RELN: variants seen among roughly 807,000 people sequenced by gnomAD.
The protein encoded by RELN is reelin.
Under a neutral mutation model 427.6 loss-of-function variants are expected in RELN, and 108 were observed. That is an observed-to-expected ratio of 0.25 (90% CI 0.22 to 0.30). The LOEUF (loss-of-function observed/expected upper bound fraction) is 0.30, where lower values mean the gene tolerates loss of function less well. Ranked by LOEUF, RELN falls within the 10% of genes least tolerant of loss-of-function variation. The pLI is 1.00. For missense variants in RELN, 3,715 were observed against 4,302.8 expected (o/e 0.86, Z 3.82); for synonymous variants, 1,524 against 1,513.4 (o/e 1.01, Z -0.16).
chr7:103,540,665 T>A (rs1830158298), intron 43 of RELN, among the ~76,000 whole-genome samples: 1 of 152,088 alleles, frequency 6.6e-6, no homozygotes, highest in African/African-American at 2.4e-5. Flanking sequence ...AAAAAGGCAA[T>A]TCTGCACCCA....
At chr7:103,727,637 G>C (rs536188272) in intron 7 of RELN, among the ~76,000 whole-genome samples, 1 of 152,206 alleles carries the variant, frequency 6.6e-6, no homozygotes, top group South Asian at 2.1e-4. Flanking sequence ...TAAAAAACTG[G>C]TTTATTCAGC....
chr7:103,748,348 A>T (rs1029678652), intron 6 of RELN, among the ~76,000 whole-genome samples: 6 of 152,146 alleles, frequency 3.9e-5, no homozygotes, highest in African/African-American at 1.2e-4. Context: ...TAGAAAAGAA[A>T]TAAAAGTTTC....
intron 1 of RELN, among the ~76,000 whole-genome samples, chr7:103,939,082 C>T (rs561054952): frequency 1.2e-3 from 183 of 151,986 alleles, no homozygotes; most frequent in African/African-American, 4.2e-3. Context: ...AAGTAGCTTG[C>T]ATTACAGGCA....
chr7:103,736,403 G>A (rs1790493383), intron 6 of RELN, among the ~76,000 whole-genome samples: 1 of 152,100 alleles, frequency 6.6e-6, no homozygotes. Context: ...AAAGTTCATT[G>A]TATAAGACTG....
intron 1 of RELN, among the ~76,000 whole-genome samples, chr7:103,963,655 T>C (rs988452133): frequency 1.3e-5 from 2 of 152,222 alleles, no homozygotes; most frequent in Non-Finnish European, 2.9e-5. Context: ...TATATCTGCA[T>C]AGCAATGCAC....
At position 103,566,868 on chromosome 7, in the gene RELN, C is replaced by G. The variant is rs185798847; in HGVS notation, c.4589-109G>C. On this transcript the variant is annotated intron_variant, in intron 31 of 64. Coordinates refer to ENST00000428762, the MANE Select transcript of RELN (RefSeq NM_005045.4). ...CAACCTCAAATTGTGTCTCCTAGAA[C>G]GAGGGCACATTTGTGTAACTTCCAA... 37 of 1,043,598 alleles carry G rather than the reference C, an allele frequency of 3.5e-5. No homozygotes were observed. In the Admixed American group the frequency reaches 4.7e-4, roughly 13 times the overall value. 64.6% of individuals were successfully genotyped at this position (1,043,598 alleles called of 1,614,324 possible). A position where few individuals can be genotyped will look rare whatever the true frequency, so the allele number is the denominator to read the frequency against.
intron 2 of RELN, among the ~76,000 whole-genome samples, chr7:103,905,783 T>G (rs1414989063): frequency 2.0e-5 from 3 of 152,030 alleles, no homozygotes; most frequent in Non-Finnish European, 4.4e-5. Context: ...ACAAGCAAAT[T>G]TGGTAGCTTG....
chr7:103,504,274 A>G (rs369258593), intron 51 of RELN: 16 of 152,220 alleles, frequency 1.1e-4, no homozygotes, highest in African/African-American at 3.9e-4. Context: ...GGGTAAGAGG[A>G]AAAAAAGTAG....
intron 20 of RELN, among the ~76,000 whole-genome samples, chr7:103,615,999 C>G (rs1431394491): frequency 1.3e-5 from 2 of 152,128 alleles, no homozygotes; most frequent in African/African-American, 4.8e-5. Flanking sequence ...CCACAAAGTT[C>G]CTTAAAAGCA....
intron 10 of RELN, 45 bp from the exon 11 acceptor site, chr7:103,682,306 G>A (rs1424374531): frequency 6.2e-7 from 1 of 1,606,556 alleles, no homozygotes; most frequent in Non-Finnish European, 8.5e-7. Context: ...AATTGGTGTT[G>A]TAGCTGTATC....
chr7:103,901,008 A>C (rs1469516833), intron 2 of RELN, among the ~76,000 whole-genome samples: 1 of 152,078 alleles, frequency 6.6e-6, no homozygotes, highest in Non-Finnish European at 1.5e-5. Context: ...AATGCTTATC[A>C]TATGGTATTC....
At chr7:103,718,769 T>C (rs1179518037) in intron 8 of RELN, among the ~76,000 whole-genome samples, 1 of 152,206 alleles carries the variant, frequency 6.6e-6, no homozygotes, top group Non-Finnish European at 1.5e-5. Flanking sequence ...ATGGACAAGA[T>C]AGATTTGTCT....
intron 1 of RELN, among the ~76,000 whole-genome samples, chr7:103,957,331 T>A (rs749018413): frequency 4.1e-4 from 63 of 152,164 alleles, no homozygotes; most frequent in Non-Finnish European, 8.8e-4. Context: ...AATAATTAGC[T>A]CGGGGATGCA....
intron 4 of RELN, among the ~76,000 whole-genome samples, chr7:103,768,108 G>A (rs980312349): frequency 2.0e-5 from 3 of 152,180 alleles, no homozygotes; most frequent in African/African-American, 7.2e-5. Flanking sequence ...GCCTAGAACA[G>A]AGCCTGGCAC....
chr7:103,785,080 A>G (rs1460042819), intron 3 of RELN, among the ~76,000 whole-genome samples: 1 of 152,170 alleles, frequency 6.6e-6, no homozygotes, highest in Non-Finnish European at 1.5e-5. Context: ...AAGAACAGTA[A>G]AAGTAAATAA....
chr7:103,580,067 A>G (rs1831095878), intron 28 of RELN, among the ~76,000 whole-genome samples: 1 of 152,230 alleles, frequency 6.6e-6, no homozygotes, highest in East Asian at 1.9e-4. Flanking sequence ...AGCCCGGTGA[A>G]TTAATATGAG....
Position 103,988,606 on chromosome 7 carries a change from G to A in RELN, c.226+525C>T, listed in dbSNP as rs1360228390. Among the ~76,000 whole-genome samples, 1 of 152,186 alleles carries A rather than the reference G, an allele frequency of 6.6e-6. No individual in the cohort carries two copies. The highest frequency in any genetic ancestry group is 1.5e-5 in the Non-Finnish European group (1 of 68,042). Reference sequence around the variant, plus strand: ...CTGTATGACACTGAATGAAATGCCAGGGACTCCTGGCTGGTGAGCAGCGGG... The same window carrying A: ...CTGTATGACACTGAATGAAATGCCAAGGACTCCTGGCTGGTGAGCAGCGGG... On this transcript the variant is annotated intron_variant, in intron 1 of 64. Coordinates refer to ENST00000428762, the MANE Select transcript of RELN (RefSeq NM_005045.4). The surrounding 1 kb of genome is among the most constrained non-coding windows in gnomAD (Gnocchi z 4.9).
rs747430496 is a variant in RELN at position 103,640,889 on chromosome 7, T to G, written c.2003-280A>C. On this transcript the variant is annotated intron_variant, in intron 16 of 64. Transcript: ENST00000428762. This position sits in a 1 kb window ranked among gnomAD's most constrained non-coding sequence, Gnocchi z 4.1. The stretch of plus-strand genomic sequence containing the variant: ...CTTAATAGAGTCTATTAGACAATAT[T>G]AGCGCTTCTGCCTTGAACATTCTAC... Among the ~76,000 whole-genome samples the G allele has an allele frequency of 1.8e-4, 27 of 152,190 alleles. No homozygotes were observed. The highest frequency in any genetic ancestry group is 5.2e-4 in the Admixed American group (8 of 15,270).
At chr7:103,716,010 C>G (rs1201150338) in intron 8 of RELN, among the ~76,000 whole-genome samples, 1 of 152,192 alleles carries the variant, frequency 6.6e-6, no homozygotes, top group Non-Finnish European at 1.5e-5. Context: ...CCCTCCACCA[C>G]TCATGGCAAT....
Sources: gnomAD v4.1 joint callset for allele counts (sites outside exome capture counted in the v4.1 genomes callset) on GRCh38, gnomAD v4.1.1 for gene constraint, Gnocchi (gnomAD v3.1) non-coding constraint, MANE v1.5 for transcripts, NCBI Gene and HGNC (gene_info 2026-07-23, HGNC 2026-07-21) for gene names.